Variants in BCKDHB observed in about 807,000 individuals in gnomAD.
The protein encoded by BCKDHB is branched chain keto acid dehydrogenase E1 subunit beta.
In BCKDHB, 41 loss-of-function variants were observed where a neutral mutation model predicts 48.5. That is an observed-to-expected ratio of 0.85 (90% CI 0.66 to 1.10). The LOEUF (loss-of-function observed/expected upper bound fraction) is 1.10. BCKDHB is among the 50% of genes least tolerant of loss of function. The pLI is 0.00. For synonymous variants in BCKDHB, 201 were observed against 174.8 expected (o/e 1.15, Z -1.18); for missense variants, 496 against 494.2 (o/e 1.00, Z -0.03).
intron 9 of BCKDHB, among the ~76,000 whole-genome samples, chr6:80,290,279 A>C (rs1766844957): frequency 6.6e-6 from 1 of 152,078 alleles, no homozygotes. Flanking sequence ...GGGTATGCCT[A>C]CCTCCACAGA....
At chr6:80,181,359 T>C (rs1019866346) in intron 6 of BCKDHB, among the ~76,000 whole-genome samples, 14 of 152,186 alleles carry the variant, frequency 9.2e-5, no homozygotes, top group African/African-American at 3.4e-4. Flanking sequence ...CTTAAAAATA[T>C]TTATTTTTCT....
At chr6:80,134,313 T>C (rs1770778280) in intron 3 of BCKDHB, among the ~76,000 whole-genome samples, 1 of 152,218 alleles carries the variant, frequency 6.6e-6, no homozygotes. Flanking sequence ...TGGCCTGTCA[T>C]AGCAGCTTGG....
the BCKDHB span, among the ~76,000 whole-genome samples, chr6:80,392,427 T>C: frequency 3.3e-5 from 5 of 152,088 alleles, no homozygotes; most frequent in South Asian, 1.0e-3. Context: ...TCCTCTTCTC[T>C]GACATCAATT....
At chr6:80,384,956 A>G in the BCKDHB span, among the ~76,000 whole-genome samples, 23 of 152,214 alleles carry the variant, frequency 1.5e-4, no homozygotes, top group Admixed American at 1.3e-4. Flanking sequence ...AGTATGGAGA[A>G]CACTGATAGT....
At chr6:80,253,781 T>A (rs1176919987) in intron 8 of BCKDHB, among the ~76,000 whole-genome samples, 1 of 152,118 alleles carries the variant, frequency 6.6e-6, no homozygotes, top group Admixed American at 6.6e-5. Flanking sequence ...TTTTAATGAA[T>A]CTTGGTAAAA....
At chr6:80,146,554 G>C (rs1213065344) in intron 3 of BCKDHB, among the ~76,000 whole-genome samples, 1 of 152,142 alleles carries the variant, frequency 6.6e-6, no homozygotes, top group Non-Finnish European at 1.5e-5. Context: ...AATGGGACTG[G>C]AGACAACCTG....
intron 3 of BCKDHB, among the ~76,000 whole-genome samples, chr6:80,159,012 G>A (rs1475992749): frequency 6.6e-6 from 1 of 152,142 alleles, no homozygotes; most frequent in Non-Finnish European, 1.5e-5. Context: ...GGTGGATTAG[G>A]TGTGAGTAAG....
chr6:80,445,021 C>CA, the BCKDHB span, among the ~76,000 whole-genome samples: 1 of 152,246 alleles, frequency 6.6e-6, no homozygotes, highest in Non-Finnish European at 1.5e-5. Flanking sequence ...TTGCCTAAAA[C>CA]AATCTTTTGA....
At chr6:80,318,284 G>T (rs186175158) in intron 9 of BCKDHB, among the ~76,000 whole-genome samples, 1 of 152,188 alleles carries the variant, frequency 6.6e-6, no homozygotes, top group Admixed American at 6.6e-5. Context: ...CAGGGAGAAG[G>T]ACATGAAATA....
intron 3 of BCKDHB, among the ~76,000 whole-genome samples, chr6:80,136,531 G>A (rs1419977810): frequency 7.2e-5 from 11 of 152,150 alleles, no homozygotes; most frequent in Admixed American, 2.6e-4. Context: ...GAAAAGCTTC[G>A]TGAAATTGGA....
chr6:80,360,940 G>A, the BCKDHB span, among the ~76,000 whole-genome samples: 1 of 147,224 alleles, frequency 6.8e-6, no homozygotes, highest in South Asian at 2.1e-4. Context: ...GGGAGGCGGA[G>A]GTTGCAGTGA....
the BCKDHB span, among the ~76,000 whole-genome samples, chr6:80,422,604 G>T: frequency 1.2e-4 from 19 of 152,186 alleles, no homozygotes; most frequent in Non-Finnish European, 5.9e-5. Context: ...TAGTGCAGCT[G>T]CCCAAGGCCT....
chr6:80,432,565 G>C, the BCKDHB span, among the ~76,000 whole-genome samples: 3 of 152,040 alleles, frequency 2.0e-5, no homozygotes, highest in Non-Finnish European at 4.4e-5. Flanking sequence ...GGTTATTCTA[G>C]TTAGCAATTG....
the BCKDHB span, among the ~76,000 whole-genome samples, chr6:80,355,036 A>C: frequency 1.8e-4 from 28 of 152,298 alleles, no homozygotes; most frequent in South Asian, 5.2e-3. Flanking sequence ...AATTCCGTGA[A>C]AAATGATGTT....
the BCKDHB span, among the ~76,000 whole-genome samples, chr6:80,386,988 C>G: frequency 2.5e-3 from 386 of 152,202 alleles, 3 homozygotes; most frequent in African/African-American, 8.7e-3. Context: ...CCATCCCCCC[C>G]CAAGGAGACC....
chr6:80,199,387 T>C (rs1396167081), intron 6 of BCKDHB, among the ~76,000 whole-genome samples: 1 of 152,108 alleles, frequency 6.6e-6, no homozygotes, highest in Non-Finnish European at 1.5e-5. Flanking sequence ...TCTGTCCTTT[T>C]TGAATATACA....
intron 3 of BCKDHB, among the ~76,000 whole-genome samples, chr6:80,131,943 C>G (rs1210936172): frequency 6.6e-6 from 1 of 152,054 alleles, no homozygotes; most frequent in African/African-American, 2.4e-5. Context: ...GCCTGGCTAC[C>G]AAAGACTTTG....
At chr6:80,329,658 C>T (rs1259679658) in intron 9 of BCKDHB, among the ~76,000 whole-genome samples, 1 of 152,134 alleles carries the variant, frequency 6.6e-6, no homozygotes, top group Non-Finnish European at 1.5e-5. Flanking sequence ...GGCCTTCTCT[C>T]AATAACTGGA....
At chr6:80,192,273 G>A (rs1376425947) in intron 6 of BCKDHB, among the ~76,000 whole-genome samples, 1 of 151,590 alleles carries the variant, frequency 6.6e-6, no homozygotes, top group Admixed American at 6.6e-5. Context: ...TTTTTGTTAG[G>A]TAATATTTTT....
Sources: allele counts gnomAD v4.1 joint callset (sites outside exome capture counted in the v4.1 genomes callset), GRCh38; gene constraint gnomAD v4.1.1; transcripts MANE v1.5; gene names NCBI Gene and HGNC (gene_info 2026-07-23, HGNC 2026-07-21).